The following PTPRD variants were observed in gnomAD, a reference collection of about 807,000 sequenced individuals.
PTPRD encodes the protein receptor-type tyrosine-protein phosphatase delta.
PTPRD carries 34 observed loss-of-function variants against 214.5 expected under a neutral mutation model. The ratio of observed to expected loss-of-function variants is 0.16; its 90% confidence interval spans 0.12 to 0.21. The LOEUF is 0.21. Ranked by LOEUF, PTPRD falls within the 10% of genes least tolerant of loss-of-function variation. The probability of loss-of-function intolerance (pLI) is 1.00; values close to 1 mark genes in which losing one functional copy is unlikely to be tolerated. For synonymous variants in PTPRD, 1,128 were observed against 845.7 expected, an observed-to-expected ratio of 1.33 and a Z score of -5.79; for missense variants, 2,545 against 2,398.7, an observed-to-expected ratio of 1.06 and a Z score of -1.27.
At chr9:10,204,198 T>C (rs2099453015) in intron 3 of PTPRD, among the ~76,000 whole-genome samples, 1 of 152,180 alleles carries the variant, frequency 6.6e-6, no homozygotes, top group South Asian at 2.1e-4. Flanking sequence ...TTACTCCATT[T>C]TTCAGTGTGT....
intron 11 of PTPRD, among the ~76,000 whole-genome samples, chr9:8,843,200 T>C (rs2097598070): frequency 6.6e-6 from 1 of 152,230 alleles, no homozygotes; most frequent in Non-Finnish European, 1.5e-5. Flanking sequence ...ACTATATTTG[T>C]TCCTTTATTT....
At chr9:9,024,131 A>G (rs1346800041) in intron 10 of PTPRD, among the ~76,000 whole-genome samples, 1 of 151,810 alleles carries the variant, frequency 6.6e-6, no homozygotes, top group Non-Finnish European at 1.5e-5. Context: ...ACAGCTACCC[A>G]GTCTCTTTTC....
At chr9:9,423,338 C>A (rs1218650119) in intron 8 of PTPRD, among the ~76,000 whole-genome samples, 1 of 152,154 alleles carries the variant, frequency 6.6e-6, no homozygotes, top group Non-Finnish European at 1.5e-5. Flanking sequence ...CTCCACTACA[C>A]AAGTACAGAG....
At chr9:10,561,922 C>T (rs1390626040) in intron 2 of PTPRD, among the ~76,000 whole-genome samples, 1 of 152,022 alleles carries the variant, frequency 6.6e-6, no homozygotes, top group African/African-American at 2.4e-5. Context: ...TTTTATGTTT[C>T]AGAGGTCAAT....
chr9:8,762,242 G>C (rs1487425574), intron 11 of PTPRD, among the ~76,000 whole-genome samples: 1 of 152,130 alleles, frequency 6.6e-6, no homozygotes, highest in African/African-American at 2.4e-5. Context: ...GGAGGCAAGA[G>C]AGATCAAGTT....
intron 44 of PTPRD, among the ~76,000 whole-genome samples, chr9:8,323,275 T>A (rs934778459): frequency 6.6e-6 from 1 of 152,196 alleles, no homozygotes; most frequent in Non-Finnish European, 1.5e-5. Flanking sequence ...AGATTAATGT[T>A]CTCATGCCTG....
intron 7 of PTPRD, among the ~76,000 whole-genome samples, chr9:9,712,830 AAG>A (rs1000990575): frequency 6.6e-5 from 10 of 152,342 alleles, no homozygotes; most frequent in African/African-American, 2.4e-4. Flanking sequence ...AGCTTTCAAA[AAG>A]AGAAAAAACT....
chr9:10,111,978 C>G (rs1228120320), intron 3 of PTPRD, among the ~76,000 whole-genome samples: 2 of 152,186 alleles, frequency 1.3e-5, no homozygotes, highest in East Asian at 3.9e-4. Context: ...GATGTACTTT[C>G]TTTTCACATG....
intron 9 of PTPRD, among the ~76,000 whole-genome samples, chr9:9,251,990 A>G (rs1009071263): frequency 1.3e-5 from 2 of 152,010 alleles, no homozygotes; most frequent in African/African-American, 4.8e-5. Context: ...TACAACCTAT[A>G]TACAATGCTT....
chr9:8,885,712 G>C (rs949639573), intron 11 of PTPRD, among the ~76,000 whole-genome samples: 3 of 151,834 alleles, frequency 2.0e-5, no homozygotes, highest in Admixed American at 6.6e-5. Context: ...GGCCAGGCTG[G>C]TCTTGAACTC....
intron 6 of PTPRD, among the ~76,000 whole-genome samples, chr9:9,746,960 A>T (rs868132051): frequency 2.0e-5 from 3 of 152,162 alleles, no homozygotes; most frequent in Admixed American, 6.5e-5. Flanking sequence ...TGCAAACAGT[A>T]GTAGCCCTGT....
chr9:9,380,357 A>G (rs1429986765), intron 9 of PTPRD, among the ~76,000 whole-genome samples: 1 of 152,016 alleles, frequency 6.6e-6, no homozygotes, highest in Non-Finnish European at 1.5e-5. Flanking sequence ...GCAATTTATT[A>G]TTTATATATT....
intron 10 of PTPRD, among the ~76,000 whole-genome samples, chr9:9,139,387 T>C (rs1313105205): frequency 2.0e-5 from 3 of 152,230 alleles, no homozygotes; most frequent in African/African-American, 7.2e-5. Flanking sequence ...CAATAACCTA[T>C]GTATGACATT....
chr9:9,252,314 C>T (rs1049611300), intron 9 of PTPRD, among the ~76,000 whole-genome samples: 8 of 151,896 alleles, frequency 5.3e-5, no homozygotes, highest in South Asian at 2.1e-4. Flanking sequence ...AAGAGAAGAA[C>T]GAGTTAATTA....
At position 10,350,927 on chromosome 9, in the gene PTPRD, G is replaced by T. The variant is rs189302548; in HGVS notation, c.-599-9910C>A. Among the ~76,000 whole-genome samples, 10 of 152,180 alleles carry T rather than the reference G, an allele frequency of 6.6e-5. No individual in the cohort carries two copies. In the East Asian group the frequency reaches 1.9e-3, roughly 29 times the overall value. ...TCGTAATTCCTTAGAGTCATAAAATGGTGATGATATAAAAAAGAAAGTACA... is the reference window on the plus strand; with the variant it reads ...TCGTAATTCCTTAGAGTCATAAAATTGTGATGATATAAAAAAGAAAGTACA... On this transcript the variant is annotated intron_variant, in intron 2 of 45. Coordinates refer to ENST00000381196, the MANE Select transcript of PTPRD (RefSeq NM_002839.4).
At chr9:9,571,304 GTC>G (rs905077902) in intron 8 of PTPRD, among the ~76,000 whole-genome samples, 4 of 150,964 alleles carry the variant, frequency 2.6e-5, no homozygotes, top group African/African-American at 4.8e-5. Context: ...AGATATGTAT[GTC>G]TCTCTCTCTC....
intron 9 of PTPRD, among the ~76,000 whole-genome samples, chr9:9,264,665 A>G (rs1938247337): frequency 6.6e-6 from 1 of 151,636 alleles, no homozygotes; most frequent in Admixed American, 6.6e-5. Flanking sequence ...AAAGGTATAA[A>G]CATCCAGATA....
chr9:10,509,103 G>A (rs1488576254), intron 2 of PTPRD, among the ~76,000 whole-genome samples: 1 of 151,784 alleles, frequency 6.6e-6, no homozygotes, highest in Non-Finnish European at 1.5e-5. Context: ...AAATATTTAG[G>A]GGGATATAAT....
intron 10 of PTPRD, among the ~76,000 whole-genome samples, chr9:9,150,167 C>G (rs796569534): frequency 2.6e-5 from 4 of 152,140 alleles, no homozygotes; most frequent in African/African-American, 9.6e-5. Context: ...AGAAATTATT[C>G]TAACCATGGA....
Sources: gnomAD v4.1 joint callset for allele counts (sites outside exome capture counted in the v4.1 genomes callset) on GRCh38, gnomAD v4.1.1 for gene constraint, MANE v1.5 for transcripts, NCBI Gene and HGNC (gene_info 2026-07-23, HGNC 2026-07-21) for gene names.